CCDC146: variants seen among roughly 807,000 people sequenced by gnomAD.
The protein encoded by CCDC146 is coiled-coil domain containing 146, also known as coiled-coil domain-containing protein 146.
A neutral mutation model predicts 119.3 loss-of-function variants in CCDC146; 92 were observed. The ratio of observed to expected loss-of-function variants is 0.77; its 90% confidence interval spans 0.65 to 0.92. CCDC146 has a LOEUF of 0.92. Ranked by LOEUF, CCDC146 falls within the 40% of genes least tolerant of loss-of-function variation. The pLI is 0.00. For missense variants in CCDC146, 1,000 were observed against 1,103.0 expected (o/e 0.91, Z 1.32); for synonymous variants, 372 against 371.8 (o/e 1.00, Z -0.01).
intron 15 of CCDC146, among the ~76,000 whole-genome samples, chr7:77,284,804 A>G (rs989765569): frequency 6.6e-6 from 1 of 152,062 alleles, no homozygotes; most frequent in Non-Finnish European, 1.5e-5. Flanking sequence ...AGACTGTGTT[A>G]TCAGTTATCT....
intron 1 of CCDC146, among the ~76,000 whole-genome samples, chr7:77,167,188 C>T (rs1017005932): frequency 2.8e-4 from 43 of 151,962 alleles, no homozygotes; most frequent in Admixed American, 5.9e-4. Context: ...ATAAGGTAGA[C>T]AATATGAAAA....
intron 2 of CCDC146, among the ~76,000 whole-genome samples, chr7:77,230,185 A>G (rs563688702): frequency 7.2e-5 from 11 of 152,108 alleles, no homozygotes; most frequent in African/African-American, 2.4e-4. Context: ...TTGTTTGTCC[A>G]TTTGTCAATT....
intron 2 of CCDC146, chr7:77,199,646 C>T (rs763301081): frequency 6.8e-6 from 11 of 1,614,208 alleles, no homozygotes; most frequent in Middle Eastern, 1.6e-4. Flanking sequence ...CCTGCCTCTT[C>T]GCATTTCCCT....
intron 2 of CCDC146, among the ~76,000 whole-genome samples, chr7:77,200,043 C>T (rs933606363): frequency 1.3e-5 from 2 of 152,208 alleles, no homozygotes; most frequent in Admixed American, 1.3e-4. Context: ...CAACAAGATT[C>T]ACTTTCATAA....
chr7:77,169,847 A>G (rs1232835685), intron 2 of CCDC146, among the ~76,000 whole-genome samples: 3 of 152,142 alleles, frequency 2.0e-5, no homozygotes, highest in African/African-American at 7.2e-5. Context: ...TTACTGGAGA[A>G]TGATATTTGG....
In CCDC146 at chr7:77,291,010, T is replaced by C. The variant is rs373399687; in HGVS notation, c.2416-1942T>C. ...CATTCATTCCTTCATTCAGAAAATA[T>C]TGAACTTTAATTTGGGGGGGTGCCT... is the stretch of plus-strand genomic sequence containing the variant. On this transcript the variant is annotated intron_variant, in intron 17 of 18. Transcript: ENST00000285871. Among the ~76,000 whole-genome samples the C allele has an allele frequency of 1.9e-4, 29 of 152,330 alleles. No homozygotes were observed. The South Asian group carries it at 4.6e-3, about 24-fold the overall frequency.
chr7:77,191,645 A>T (rs1409497807), intron 2 of CCDC146, among the ~76,000 whole-genome samples: 1 of 152,164 alleles, frequency 6.6e-6, no homozygotes, highest in Non-Finnish European at 1.5e-5. Context: ...GCAGTGGCTC[A>T]CGCCTGTAAT....
chr7:77,176,748 T>A (rs569834519), intron 2 of CCDC146, among the ~76,000 whole-genome samples: 1 of 151,982 alleles, frequency 6.6e-6, no homozygotes, highest in South Asian at 2.1e-4. Context: ...TATCTTTTTT[T>A]ATGAGGATAT....
intron 1 of CCDC146, among the ~76,000 whole-genome samples, chr7:77,135,639 C>T (rs920782192): frequency 5.3e-5 from 8 of 152,080 alleles, no homozygotes; most frequent in African/African-American, 1.9e-4. Context: ...TTCTAAGAGC[C>T]TGTCAACAAC....
intron 8 of CCDC146, among the ~76,000 whole-genome samples, chr7:77,260,667 G>A (rs919320210): frequency 1.6e-4 from 25 of 152,038 alleles, no homozygotes; most frequent in African/African-American, 4.3e-4. Context: ...TTGCTCTGTC[G>A]CCAGGCTGGA....
chr7:77,132,377 C>T (rs954299009), intron 1 of CCDC146, among the ~76,000 whole-genome samples: 1 of 151,502 alleles, frequency 6.6e-6, no homozygotes, highest in African/African-American at 2.4e-5. Context: ...GCATCATGAC[C>T]AAGTGGGGTT....
Position 77,274,390 on chromosome 7 carries a change from T to C in CCDC146, c.1270-92T>C, listed in dbSNP as rs1793585313. On this transcript the variant is annotated intron_variant, in intron 10 of 18. Transcript: ENST00000285871. ...GGCCTGTTTAAAAAAATACATTTTG[T>C]ATAGGAAGTAAAAAGGTAGTCTAAG... 2.0e-5 allele frequency: 17 copies of C among 865,998 alleles called. No homozygotes were observed. The East Asian group carries it at 4.6e-4, about 23-fold the overall frequency. 53.6% of individuals were successfully genotyped at this position (865,998 alleles called of 1,614,324 possible).
chr7:77,262,467 A>G (rs1793318572), intron 9 of CCDC146, among the ~76,000 whole-genome samples, 160 bp downstream of exon 9: 1 of 152,252 alleles, frequency 6.6e-6, no homozygotes, highest in Non-Finnish European at 1.5e-5. Context: ...TGAAATCTAT[A>G]GTCCTATAAT....
At chr7:77,216,287 T>C (rs113750802) in intron 2 of CCDC146, among the ~76,000 whole-genome samples, 49 of 152,296 alleles carry the variant, frequency 3.2e-4, no homozygotes, top group African/African-American at 1.1e-3. Context: ...AGTATTCTTC[T>C]TTGGATACTG....
At chr7:77,256,736 G>A (rs1447359294) in intron 6 of CCDC146, among the ~76,000 whole-genome samples, 1 of 152,182 alleles carries the variant, frequency 6.6e-6, no homozygotes, top group Non-Finnish European at 1.5e-5. Flanking sequence ...TCACCCTGCG[G>A]AAAAGGTCTC....
intron 7 of CCDC146, 86 bp downstream of exon 7, chr7:77,259,154 T>C (rs1010553183): frequency 1.3e-6 from 1 of 745,946 alleles, no homozygotes; most frequent in African/African-American, 1.8e-5. Context: ...ATTGGACACA[T>C]TAAATTACTA....
chr7:77,223,110 C>T lies in CCDC146; in HGVS notation c.157-13837C>T, dbSNP rs537378120. ...TCAGTCTGGCTTATTTCCTGCCTCT[C>T]GGGCTCACAGCCACTCCAACCTGCT... On this transcript the variant is annotated intron_variant, in intron 2 of 18. Coordinates refer to ENST00000285871, the MANE Select transcript of CCDC146 (RefSeq NM_020879.3). 3.9e-5 allele frequency among the ~76,000 whole-genome samples: 6 copies of T among 152,242 alleles called. No individual in the cohort carries two copies. In the South Asian group the frequency reaches 1.2e-3, roughly 32 times the overall value.
rs1287041806 is a variant in CCDC146 at position 77,136,163 on chromosome 7, A to G, written c.-12+13431A>G. On this transcript the variant is annotated intron_variant, in intron 1 of 18. Transcript: ENST00000285871. Reference sequence around the variant, plus strand: ...AGCAGTGTGTAGAAAGAAATTATGTAGTATTGAATGCATATTTTAGAAAAG... The same window carrying G: ...AGCAGTGTGTAGAAAGAAATTATGTGGTATTGAATGCATATTTTAGAAAAG... 2.0e-5 allele frequency among the ~76,000 whole-genome samples: 3 copies of G among 152,236 alleles called. No homozygotes were observed. The East Asian group carries it at 5.8e-4, about 29-fold the overall frequency.
At chr7:77,254,619 T>G (rs1793142407) in intron 5 of CCDC146, 56 bp downstream of exon 5, 1 of 946,230 alleles carries the variant, frequency 1.1e-6, no homozygotes, top group East Asian at 2.5e-5. Flanking sequence ...ATCATCCCTT[T>G]TTATAAATAT....
Sources: allele counts gnomAD v4.1 joint callset (sites outside exome capture counted in the v4.1 genomes callset), GRCh38; gene constraint gnomAD v4.1.1; transcripts MANE v1.5; gene names NCBI Gene and HGNC (gene_info 2026-07-23, HGNC 2026-07-21).